NSD1: variants seen among roughly 807,000 people sequenced by gnomAD.
The protein encoded by NSD1 is nuclear receptor binding SET domain protein 1.
In NSD1, 26 loss-of-function variants were observed where a neutral mutation model predicts 242.7. That is an observed-to-expected ratio of 0.11 (90% CI 0.08 to 0.15). NSD1 has a LOEUF of 0.15. Among genes scored for constraint, NSD1 ranks in the 10% least tolerant of loss-of-function variants. The probability of loss-of-function intolerance (pLI) is 1.00; values close to 1 mark genes in which losing one functional copy is unlikely to be tolerated. For synonymous variants in NSD1, 1,106 were observed against 1,178.1 expected (o/e 0.94, Z 1.25); for missense variants, 2,495 against 3,272.8 (o/e 0.76, Z 5.80).
intron 17 of NSD1, among the ~76,000 whole-genome samples, chr5:177,275,012 G>C (rs1302884963): frequency 2.0e-5 from 3 of 151,722 alleles, no homozygotes. Context: ...GGGATTACAG[G>C]CATGAGCCAC....
At chr5:177,255,271 C>T (rs186273258) in intron 12 of NSD1, among the ~76,000 whole-genome samples, 4 of 151,730 alleles carry the variant, frequency 2.6e-5, no homozygotes, top group Admixed American at 1.3e-4. Flanking sequence ...TGCCACTGCA[C>T]TCCATCCTGG....
chr5:177,293,168 T>C (rs964284971), intron 22 of NSD1, among the ~76,000 whole-genome samples: 3 of 152,080 alleles, frequency 2.0e-5, no homozygotes, highest in African/African-American at 7.2e-5. Flanking sequence ...GAGTGGGAGC[T>C]GGTGTAGTTG....
chr5:177,254,068 C>T (rs1423432097), intron 12 of NSD1, among the ~76,000 whole-genome samples: 1 of 152,186 alleles, frequency 6.6e-6, no homozygotes, highest in Non-Finnish European at 1.5e-5. Flanking sequence ...CTGCCTCAGC[C>T]TCCCAAGTAG....
intron 3 of NSD1, among the ~76,000 whole-genome samples, chr5:177,195,625 G>A (rs1222959225): frequency 1.3e-5 from 2 of 152,094 alleles, no homozygotes; most frequent in African/African-American, 2.4e-5. Flanking sequence ...TCGCCACTAT[G>A]CCTGGCTTAG....
intron 12 of NSD1, among the ~76,000 whole-genome samples, chr5:177,253,997 C>T (rs1179625019): frequency 1.3e-5 from 2 of 152,182 alleles, no homozygotes; most frequent in African/African-American, 4.8e-5. Context: ...CACTGTCACC[C>T]GGGCTCGAGT....
intron 11 of NSD1, 123 bp downstream of exon 11, chr5:177,248,447 T>TCATC: frequency 7.9e-7 from 1 of 1,258,298 alleles, no homozygotes; most frequent in Non-Finnish European, 1.1e-6. Context: ...TCCAGTGGAG[T>TCATC]CACTTTCTTT....
intron 2 of NSD1, among the ~76,000 whole-genome samples, chr5:177,146,785 C>G (rs1413216787): frequency 6.6e-6 from 1 of 151,754 alleles, no homozygotes; most frequent in Non-Finnish European, 1.5e-5. Flanking sequence ...GGCTGGATCA[C>G]CTGAGGTCAG....
At chr5:177,245,598 CAG>C (rs1283416711) in intron 9 of NSD1, among the ~76,000 whole-genome samples, 3 of 151,188 alleles carry the variant, frequency 2.0e-5, no homozygotes, top group African/African-American at 7.3e-5. Flanking sequence ...ATGTGTTTAA[CAG>C]AAAGTGCAGG....
chr5:177,151,449 C>CA (rs948806777), intron 2 of NSD1, among the ~76,000 whole-genome samples: 3 of 151,218 alleles, frequency 2.0e-5, no homozygotes, highest in Admixed American at 1.3e-4. Context: ...AGTGCAATGG[C>CA]ACAGTCTCGG....
In NSD1 at chr5:177,211,438, A is replaced by G. The variant is rs1444318656; in HGVS notation, c.3039A>G (p.Ser1013=). The change falls in exon 5 of 23, where the codon TCA becomes TCG. Residue 1013 remains serine (S), a synonymous_variant. Transcript: ENST00000439151. Reference sequence around the variant, plus strand: ...TCCCTGCTTCTGGTAAAAGTCGTTCAGACTGTGTTACTAGGCGCAACTGTG... The same window carrying G: ...TCCCTGCTTCTGGTAAAAGTCGTTCGGACTGTGTTACTAGGCGCAACTGTG... The part of the protein sequence containing the change: ...RDLPASGKSR[S]DCVTRRNCGR... 2.5e-6 allele frequency: 4 copies of G among 1,614,200 alleles called. No homozygotes were observed. Among genetic ancestry groups the G allele is most frequent in the Non-Finnish European group, 3.4e-6 (4 of 1,180,046 alleles).
intron 2 of NSD1, among the ~76,000 whole-genome samples, chr5:177,178,536 A>G (rs909546238): frequency 3.3e-5 from 5 of 152,168 alleles, no homozygotes; most frequent in Non-Finnish European, 5.9e-5. Context: ...TTTAATAGAC[A>G]TGTTTTAAAT....
chr5:177,268,602 G>A (rs1404297939), intron 15 of NSD1, among the ~76,000 whole-genome samples: 2 of 152,124 alleles, frequency 1.3e-5, no homozygotes, highest in Admixed American at 6.5e-5. Flanking sequence ...ATAGAACACT[G>A]TTGGTACTTT....
At chr5:177,241,941 C>T (rs1765905356) in intron 8 of NSD1, among the ~76,000 whole-genome samples, 1 of 152,118 alleles carries the variant, frequency 6.6e-6, no homozygotes, top group Non-Finnish European at 1.5e-5. Flanking sequence ...GGTACTCTGG[C>T]TTAATGTATA....
intron 5 of NSD1, 56 bp downstream of exon 5, chr5:177,212,251 A>G (rs2149850028): frequency 1.9e-6 from 3 of 1,553,346 alleles, no homozygotes; most frequent in Non-Finnish European, 2.6e-6. Flanking sequence ...GCTGATAAAC[A>G]TTGTCCTTCT....
At chr5:177,207,085 C>T (rs1762930958) in intron 4 of NSD1, among the ~76,000 whole-genome samples, 1 of 151,778 alleles carries the variant, frequency 6.6e-6, no homozygotes, top group Admixed American at 6.6e-5. Context: ...TACAGGCTTG[C>T]GCCACCACGC....
chr5:177,184,499 A>G (rs1760941049), intron 2 of NSD1, among the ~76,000 whole-genome samples: 2 of 151,740 alleles, frequency 1.3e-5, no homozygotes, highest in Non-Finnish European at 2.9e-5. Context: ...GATTTGTTTG[A>G]TATCCTCACA....
At chr5:177,177,037 TACTC>T (rs1659261140) in intron 2 of NSD1, among the ~76,000 whole-genome samples, 1 of 152,242 alleles carries the variant, frequency 6.6e-6, no homozygotes, top group South Asian at 2.1e-4. Context: ...ATTACTTTCT[TACTC>T]ATTAATTTAT....
chr5:177,159,309 C>G (rs1427129298), intron 2 of NSD1, among the ~76,000 whole-genome samples: 1 of 150,708 alleles, frequency 6.6e-6, no homozygotes. Flanking sequence ...TTTTGAGACA[C>G]AGTCTCACTC....
At chr5:177,259,924 T>C in intron 13 of NSD1, 65 bp from the exon 14 acceptor site, 1 of 1,560,514 alleles carries the variant, frequency 6.4e-7, no homozygotes, top group Non-Finnish European at 8.8e-7. Context: ...CTTGAATAAC[T>C]CACATTCTTT....
Sources: gnomAD v4.1 joint callset for allele counts (sites outside exome capture counted in the v4.1 genomes callset) on GRCh38, gnomAD v4.1.1 for gene constraint, MANE v1.5 for transcripts, NCBI Gene and HGNC (gene_info 2026-07-23, HGNC 2026-07-21) for gene names.